CNTNAP2: variants seen among roughly 807,000 people sequenced by gnomAD.
CNTNAP2 encodes the protein contactin-associated protein-like 2.
In CNTNAP2, 98 loss-of-function variants were observed where a neutral mutation model predicts 155.2. The observed-to-expected ratio is 0.63, with a 90% confidence interval of 0.54 to 0.75. CNTNAP2 has a LOEUF of 0.75. CNTNAP2 is among the 30% of genes least tolerant of loss of function. The pLI is 0.00. For missense variants in CNTNAP2, 1,727 were observed against 1,688.1 expected (o/e 1.02, Z -0.40); for synonymous variants, 651 against 631.2 (o/e 1.03, Z -0.47).
At chr7:147,421,071 A>G (rs116453337) in intron 10 of CNTNAP2, among the ~76,000 whole-genome samples, 1,956 of 152,354 alleles carry the variant, frequency 0.013, 42 homozygotes, top group African/African-American at 0.044. Flanking sequence ...TGAAATCTCT[A>G]TTCAAAGAGT....
intron 8 of CNTNAP2, among the ~76,000 whole-genome samples, chr7:147,226,115 T>C (rs1803537689): frequency 6.6e-6 from 1 of 152,182 alleles, no homozygotes; most frequent in Non-Finnish European, 1.5e-5. Context: ...AGCCCCTCAA[T>C]GTCTTTGAGC....
Position 148,378,402 on chromosome 7 carries a change from C to T in CNTNAP2, c.3476-5247C>T, listed in dbSNP as rs1798992090. Reference sequence around the variant, plus strand: ...CCTGAATAGTACAGAGGCTCTAAGGCAGAACATCCAGGGACTTAGAGAGAC... The same window carrying T: ...CCTGAATAGTACAGAGGCTCTAAGGTAGAACATCCAGGGACTTAGAGAGAC... On this transcript the variant is annotated intron_variant, in intron 21 of 23. Transcript: ENST00000361727. Among the ~76,000 whole-genome samples the T allele has an allele frequency of 3.0e-5, 2 of 66,584 alleles. 1 individual carries two copies. Among genetic ancestry groups the T allele is most frequent in the Non-Finnish European group, 8.4e-5 (2 of 23,834 alleles). 43.7% of individuals were successfully genotyped at this position (66,584 alleles called of 152,430 possible).
At chr7:147,750,332 T>C (rs571151627) in intron 13 of CNTNAP2, among the ~76,000 whole-genome samples, 10 of 152,368 alleles carry the variant, frequency 6.6e-5, no homozygotes, top group African/African-American at 2.2e-4. Context: ...TAAAATTATA[T>C]ATGTGTATGT....
intron 1 of CNTNAP2, among the ~76,000 whole-genome samples, chr7:146,280,024 T>C (rs1216344526): frequency 6.6e-6 from 1 of 152,166 alleles, no homozygotes; most frequent in Non-Finnish European, 1.5e-5. Context: ...TAGATTGAAG[T>C]AACTATACCA....
intron 2 of CNTNAP2, among the ~76,000 whole-genome samples, chr7:146,800,522 A>C (rs762451258): frequency 9.9e-5 from 15 of 152,222 alleles, no homozygotes; most frequent in Non-Finnish European, 1.9e-4. Flanking sequence ...AGGGAAGCTG[A>C]GAAAATGAAC....
chr7:146,627,427 T>C (rs1454136789), intron 1 of CNTNAP2, among the ~76,000 whole-genome samples: 1 of 152,158 alleles, frequency 6.6e-6, no homozygotes. Context: ...AAAACAATTT[T>C]GTACTGTATC....
Position 148,417,636 on chromosome 7 carries a change from A to C in CNTNAP2, c.*2020A>C, listed in dbSNP as rs956183794. The C allele has an allele frequency of 6.6e-6, 1 of 152,244 alleles. No homozygotes were observed. Among genetic ancestry groups the C allele is most frequent in the Non-Finnish European group, 1.5e-5 (1 of 68,036 alleles). The allele number at this position is 152,244 out of a possible 1,614,324, so 9.4% of individuals were successfully genotyped here. A position where few individuals can be genotyped will look rare whatever the true frequency, so the allele number is the denominator to read the frequency against. On this transcript the variant is annotated 3_prime_UTR_variant, in exon 24 of 24. Coordinates refer to ENST00000361727, the MANE Select transcript of CNTNAP2 (RefSeq NM_014141.6). Reference sequence around the variant, plus strand: ...GCCAAGATGATTACCATTAGGAGTTACTTTATGTATTGTTGAAAGCAAATT... The same window carrying C: ...GCCAAGATGATTACCATTAGGAGTTCCTTTATGTATTGTTGAAAGCAAATT...
At chr7:147,123,144 A>T (rs891842866) in intron 6 of CNTNAP2, among the ~76,000 whole-genome samples, 1 of 152,160 alleles carries the variant, frequency 6.6e-6, no homozygotes, top group African/African-American at 2.4e-5. Flanking sequence ...TTAAAAGCAA[A>T]CTGATTGTTA....
chr7:147,465,682 G>T (rs16883479), intron 10 of CNTNAP2, among the ~76,000 whole-genome samples: 29,887 of 152,128 alleles, frequency 0.2, 3,157 homozygotes, highest in East Asian at 0.36. Context: ...TGGCTTGATG[G>T]GGTCAATTCC....
chr7:146,645,662 C>T (rs1384952326), intron 1 of CNTNAP2, among the ~76,000 whole-genome samples: 2 of 151,992 alleles, frequency 1.3e-5, no homozygotes, highest in East Asian at 3.9e-4. Context: ...ATTCACATAC[C>T]ATATAGGTGA....
At chr7:148,303,391 G>A (rs1797429906) in intron 21 of CNTNAP2, among the ~76,000 whole-genome samples, 1 of 152,164 alleles carries the variant, frequency 6.6e-6, no homozygotes, top group Admixed American at 6.5e-5. Flanking sequence ...GAGACGGGTA[G>A]GTGGACAGCC....
intron 1 of CNTNAP2, among the ~76,000 whole-genome samples, chr7:146,243,366 T>C (rs1799593924): frequency 6.6e-6 from 1 of 152,132 alleles, no homozygotes; most frequent in Admixed American, 6.5e-5. Flanking sequence ...TCTGGTTGAT[T>C]GGTCTGTCTA....
intron 1 of CNTNAP2, among the ~76,000 whole-genome samples, chr7:146,521,603 T>C (rs1797617713): frequency 6.6e-6 from 1 of 152,046 alleles, no homozygotes. Context: ...TCTGTCACTA[T>C]GTTAAACACC....
chr7:147,902,445 A>T (rs1326909565), intron 13 of CNTNAP2, among the ~76,000 whole-genome samples: 1 of 152,186 alleles, frequency 6.6e-6, no homozygotes, highest in Non-Finnish European at 1.5e-5. Context: ...GGTAACAGGT[A>T]GTATTTGGTT....
rs770233136 is a variant in CNTNAP2, at chr7:146,319,408, G to C, written c.97+202435G>C. ...TATTAGTATAATTTAAAATATAGTA[G>C]TAAAAGCTTGAATCTATGTGTCTGG... On this transcript the variant is annotated intron_variant, in intron 1 of 23. Coordinates refer to ENST00000361727, the MANE Select transcript of CNTNAP2 (RefSeq NM_014141.6). Among the ~76,000 whole-genome samples the C allele has an allele frequency of 1.8e-4, 28 of 152,140 alleles. 1 individual carries two copies. The highest frequency in any genetic ancestry group is 3.5e-4 in the Non-Finnish European group (24 of 68,034).
intron 1 of CNTNAP2, among the ~76,000 whole-genome samples, chr7:146,645,655 C>T (rs1326993012): frequency 6.6e-6 from 1 of 152,122 alleles, no homozygotes; most frequent in East Asian, 1.9e-4. Context: ...TATATTTATT[C>T]ACATACCATA....
rs182685572 is a variant in CNTNAP2 at position 148,357,039 on chromosome 7, C to G, written c.3476-26610C>G. Among the ~76,000 whole-genome samples, 3 of 152,246 alleles carry G rather than the reference C, an allele frequency of 2.0e-5. No individual in the cohort carries two copies. In the South Asian group the frequency reaches 6.2e-4, roughly 32 times the overall value. ...TTCCAGCTTTATCCAATATCCATCC[C>G]TAGTACTTTGCTGTTACCCCATGAT... On this transcript the variant is annotated intron_variant, in intron 21 of 23. Coordinates refer to ENST00000361727, the MANE Select transcript of CNTNAP2 (RefSeq NM_014141.6).
intron 8 of CNTNAP2, among the ~76,000 whole-genome samples, chr7:147,219,022 G>T (rs1030350955): frequency 6.6e-6 from 1 of 152,124 alleles, no homozygotes. Flanking sequence ...AGTTCTAGAG[G>T]TTGGGAAGTC....
chr7:148,382,733 T>C (rs1637844), intron 21 of CNTNAP2, among the ~76,000 whole-genome samples: 108,829 of 152,094 alleles, frequency 0.72, 40,066 homozygotes, highest in Admixed American at 0.81. Flanking sequence ...GCAATCGCAG[T>C]GCTGCCGCTG....
Sources: allele counts gnomAD v4.1 joint callset (sites outside exome capture counted in the v4.1 genomes callset), GRCh38; gene constraint gnomAD v4.1.1; transcripts MANE v1.5; gene names NCBI Gene and HGNC (gene_info 2026-07-23, HGNC 2026-07-21).